The following COX7A2L variants were observed in gnomAD, a reference collection of about 807,000 sequenced individuals.
COX7A2L encodes cytochrome c oxidase subunit 7A2 like.
COX7A2L carries 18 observed loss-of-function variants against 14.2 expected under a neutral mutation model. The ratio of observed to expected loss-of-function variants is 1.27; its 90% CI spans 0.88 to 1.88. COX7A2L has a LOEUF of 1.88. Ranked by LOEUF, COX7A2L falls within the 40% of genes most tolerant of loss-of-function variation. COX7A2L has a pLI of 0.00. For missense variants in COX7A2L, 179 were observed against 138.8 expected (o/e 1.29, Z -1.46); for synonymous variants, 65 against 57.4 (o/e 1.13, Z -0.60).
At position 42,339,693 on chromosome 2, in the gene COX7A2L, C is replaced by T. The variant is rs1285068642; in HGVS notation, c.193-5824G>A. On this transcript the variant is annotated intron_variant, in intron 2 of 2. Transcript: ENST00000468711. The surrounding 1 kb of genome is among the most constrained non-coding windows in gnomAD (Gnocchi z 5.4). ...TCTCAGCGCATTGTGCACACATATA[C>T]ACCCACACAGCCACCCCTGGAGGAA... Among the ~76,000 whole-genome samples, 1 of 152,140 alleles carries T rather than the reference C, an allele frequency of 6.6e-6. No homozygotes were observed. Among genetic ancestry groups the T allele is most frequent in the African/African-American group, 2.4e-5 (1 of 41,428 alleles).
chr2:42,352,044 A>T (rs778353175), intron 2 of COX7A2L, among the ~76,000 whole-genome samples: 3 of 152,220 alleles, frequency 2.0e-5, no homozygotes, highest in Non-Finnish European at 4.4e-5. Context: ...GCTTCTGATC[A>T]TAAGTGGATG....
chr2:42,345,673 C>T (rs1480722044), downstream of COX7A2L, among the ~76,000 whole-genome samples: 2 of 152,190 alleles, frequency 1.3e-5, 1 homozygote, highest in African/African-American at 4.8e-5. Flanking sequence ...GTGTGCTCTG[C>T]AGCAGCTTAA....
rs150988567 is a variant in COX7A2L, at chr2:42,338,940, A to G, written c.193-5071T>C. Among the ~76,000 whole-genome samples the G allele has an allele frequency of 6.6e-6, 1 of 152,312 alleles. No individual in the cohort carries two copies. The highest frequency in any genetic ancestry group is 1.9e-4 in the East Asian group (1 of 5,180). On this transcript the variant is annotated intron_variant, in intron 2 of 2. Coordinates refer to the COX7A2L transcript ENST00000468711. This position sits in a 1 kb window ranked among gnomAD's most constrained non-coding sequence, Gnocchi z 4.4. ...CGAGCTCAGCACATAAGAGAACGAGAGATTAGCTGTCCCTGCATCAGAGCG... is the reference window on the plus strand; with the variant it reads ...CGAGCTCAGCACATAAGAGAACGAGGGATTAGCTGTCCCTGCATCAGAGCG...
chr2:42,338,951 C>G lies in COX7A2L; in HGVS notation c.193-5082G>C, dbSNP rs1235933509. Among the ~76,000 whole-genome samples the G allele has an allele frequency of 6.6e-6, 1 of 152,190 alleles. No individual in the cohort carries two copies. Among genetic ancestry groups the G allele is most frequent in the Non-Finnish European group, 1.5e-5 (1 of 68,036 alleles). The stretch of plus-strand genomic sequence containing the variant: ...CATAAGAGAACGAGAGATTAGCTGT[C>G]CCTGCATCAGAGCGCCAGGAAGGCT... On this transcript the variant is annotated intron_variant, in intron 2 of 2. Transcript: ENST00000468711. This position sits in a 1 kb window ranked among gnomAD's most constrained non-coding sequence, Gnocchi z 4.4.
chr2:42,347,616 T>C (rs1670523794), downstream of COX7A2L, among the ~76,000 whole-genome samples: 1 of 151,962 alleles, frequency 6.6e-6, no homozygotes, highest in African/African-American at 2.4e-5. Context: ...TAGGCAAAAA[T>C]AAAACAGGCA....
chr2:42,355,717 C>CTTTTTTTTTTTTT lies in COX7A2L; in HGVS notation c.73-2387_73-2375dup. Among the ~76,000 whole-genome samples the CTTTTTTTTTTTTT allele has an allele frequency of 8.5e-4, 59 of 69,052 alleles. 14 individuals are homozygous for CTTTTTTTTTTTTT. The highest frequency in any genetic ancestry group is 3.0e-3 in the African/African-American group (51 of 16,904). 45.3% of individuals were successfully genotyped at this position (69,052 alleles called of 152,430 possible). A position where few individuals can be genotyped will look rare whatever the true frequency, so the allele number is the denominator to read the frequency against. On this transcript the variant is annotated intron_variant, in intron 1 of 2. Coordinates refer to ENST00000234301, the MANE Select transcript of COX7A2L (RefSeq NM_004718.4). ...CAGTCACAGTGTAAAATCCTACGTT[C>CTTTTTTTTTTTTT]TTTTTTTTTTTTTTTTTTTTTTTTT...
chr2:42,361,276 G>A (rs1041599112), upstream of COX7A2L: 12 of 946,206 alleles, frequency 1.3e-5, no homozygotes, highest in Admixed American at 8.7e-5. Context: ...GCTGGGACTA[G>A]GGCTGCCCGA....
intron 1 of COX7A2L, chr2:42,359,466 G>T (rs887663591): frequency 2.0e-5 from 3 of 152,126 alleles, no homozygotes; most frequent in Non-Finnish European, 4.4e-5. Context: ...ATACACTGGA[G>T]AATACATTTC....
chr2:42,352,608 G>T (rs974674303), intron 2 of COX7A2L, among the ~76,000 whole-genome samples: 3 of 152,204 alleles, frequency 2.0e-5, no homozygotes, highest in African/African-American at 7.2e-5. Flanking sequence ...TACTTTTGAG[G>T]AGGGGGAAGC....
At chr2:42,367,870 C>T (rs1671197078) in intron 1 of COX7A2L, among the ~76,000 whole-genome samples, 1 of 152,254 alleles carries the variant, frequency 6.6e-6, no homozygotes, top group African/African-American at 2.4e-5. Flanking sequence ...CTTCCACCCC[C>T]AAACTGCAAG....
In COX7A2L at chr2:42,350,578, G is replaced by A. The variant is rs1230065658; in HGVS notation, c.*641C>T. 6.6e-6 allele frequency: 1 copy of A among 152,106 alleles called. No homozygotes were observed. Among genetic ancestry groups the A allele is most frequent in the Non-Finnish European group, 1.5e-5 (1 of 68,020 alleles). 9.4% of individuals were successfully genotyped at this position (152,106 alleles called of 1,614,324 possible). A position where few individuals can be genotyped will look rare whatever the true frequency, so the allele number is the denominator to read the frequency against. ...TATAACATTTTTAAAAGATAAAGGAGAATTTGTGGCACAGCTGCATTAACA... is the reference window on the plus strand; with the variant it reads ...TATAACATTTTTAAAAGATAAAGGAAAATTTGTGGCACAGCTGCATTAACA... On this transcript the variant is annotated 3_prime_UTR_variant, in exon 3 of 3. Coordinates refer to ENST00000234301, the MANE Select transcript of COX7A2L (RefSeq NM_004718.4).
chr2:42,351,331 T>G lies in COX7A2L; in HGVS notation c.233A>C (p.Lys78Thr), dbSNP rs1670638532. The G allele has an allele frequency of 6.2e-7, 1 of 1,614,154 alleles. No homozygotes were observed. The highest frequency in any genetic ancestry group is 2.2e-5 in the East Asian group (1 of 44,872). The change falls in exon 3 of 3, where the codon AAA becomes ACA. Residue 78 changes from lysine to threonine, a missense_variant. Coordinates refer to ENST00000234301, the MANE Select transcript of COX7A2L (RefSeq NM_004718.4). ...QKADGVPVYL[K>T]RGLPDQMLYR... ...AAGCATTTGGTCAGGCAGGCCTCGT[T>G]TCAGGTAGACGGGCACACCATCAGC... is the stretch of plus-strand genomic sequence containing the variant.
chr2:42,363,793 A>C (rs1243885881), upstream of COX7A2L, among the ~76,000 whole-genome samples: 1 of 152,194 alleles, frequency 6.6e-6, no homozygotes, highest in African/African-American at 2.4e-5. Context: ...TCTATTCTGA[A>C]GGGAAGTGAC....
intron 2 of COX7A2L, 153 bp downstream of exon 2, chr2:42,353,059 A>G: frequency 1.1e-6 from 1 of 905,590 alleles, no homozygotes; most frequent in Non-Finnish European, 1.7e-6. Flanking sequence ...ATAAAGTTCT[A>G]TTCGTTTATG....
intron 2 of COX7A2L, among the ~76,000 whole-genome samples, chr2:42,352,396 C>T (rs1279202904): frequency 6.6e-6 from 1 of 152,116 alleles, no homozygotes; most frequent in African/African-American, 2.4e-5. Flanking sequence ...AATCCTCCTA[C>T]CTTGGCCTCC....
At chr2:42,360,142 A>C (rs1337995585) in intron 1 of COX7A2L, 3 of 152,298 alleles carry the variant, frequency 2.0e-5, no homozygotes, top group Non-Finnish European at 2.9e-5. Flanking sequence ...TCACTACTGC[A>C]GTCTAACTGC....
chr2:42,362,671 T>TTGCA (rs1430616412), upstream of COX7A2L, among the ~76,000 whole-genome samples: 2 of 152,152 alleles, frequency 1.3e-5, no homozygotes, highest in Admixed American at 1.3e-4. Context: ...AGCATCCTGG[T>TTGCA]TGCAGGCTTA....
intron 1 of COX7A2L, 50 bp downstream of exon 1, chr2:42,361,040 G>A: frequency 1.2e-6 from 2 of 1,600,184 alleles, no homozygotes; most frequent in Non-Finnish European, 1.7e-6. Flanking sequence ...CTGTCGCCGA[G>A]GCTAGGGCCG....
chr2:42,360,881 G>A (rs1299790274), intron 1 of COX7A2L: 1 of 612,810 alleles, frequency 1.6e-6, no homozygotes, highest in Admixed American at 2.9e-5. Flanking sequence ...TTCCACGCCA[G>A]GCCAGCCCCC....
Sources: gnomAD v4.1 joint callset for allele counts (sites outside exome capture counted in the v4.1 genomes callset) on GRCh38, gnomAD v4.1.1 for gene constraint, Gnocchi (gnomAD v3.1) non-coding constraint, MANE v1.5 for transcripts, NCBI Gene and HGNC (gene_info 2026-07-23, HGNC 2026-07-21) for gene names.